Variants in NEMF observed in about 807,000 individuals in gnomAD.
The protein encoded by NEMF is ribosome quality control complex subunit NEMF.
NEMF carries 89 observed loss-of-function variants against 162.2 expected under a neutral mutation model. The observed-to-expected ratio is 0.55, with a 90% CI of 0.46 to 0.65. The LOEUF (loss-of-function observed/expected upper bound fraction) is 0.65. Ranked by LOEUF, NEMF falls within the 30% of genes least tolerant of loss-of-function variation. NEMF has a pLI of 0.00. For missense variants in NEMF, 1,133 were observed against 1,261.9 expected (o/e 0.90, Z 1.55); for synonymous variants, 421 against 404.5 (o/e 1.04, Z -0.49).
chr14:49,815,040 A>G (rs917992627), intron 16 of NEMF, among the ~76,000 whole-genome samples, 183 bp from the exon 17 acceptor site: 3 of 152,194 alleles, frequency 2.0e-5, no homozygotes, highest in Non-Finnish European at 4.4e-5. Context: ...TTCTTTAGAC[A>G]GTCTTAGAAA....
At chr14:49,849,304 G>C (rs1428887194) in intron 3 of NEMF, among the ~76,000 whole-genome samples, 1 of 152,172 alleles carries the variant, frequency 6.6e-6, no homozygotes, top group African/African-American at 2.4e-5. Context: ...ATAGTAAAAA[G>C]GGGATTATTT....
Position 49,838,172 on chromosome 14 carries a change from C to T in NEMF, c.541G>A (p.Glu181Lys). 6.2e-7 allele frequency: 1 copy of T among 1,613,898 alleles called. No homozygotes were observed. Among genetic ancestry groups the T allele is most frequent in the South Asian group, 1.1e-5 (1 of 91,058 alleles). The change falls in exon 6 of 33, where the codon GAA becomes AAA. Residue 181 changes from glutamate (E) to lysine (K), a missense_variant. By Grantham distance (56) the Glu-to-Lys change is moderately conservative (BLOSUM62 1). Transcript: ENST00000298310. The part of the protein sequence containing the change: ...TEIVASAPKG[E>K]LLKRVLNPLL... ...GGGTTAAGCACCCTCTTCAGTAGTT[C>T]ACCCTTAGGTGCGCTGGCTACTATT... is the stretch of plus-strand genomic sequence containing the variant.
chr14:49,831,207 ACT>A (rs1378754971), intron 11 of NEMF, 90 bp downstream of exon 11: 1 of 723,990 alleles, frequency 1.4e-6, no homozygotes, highest in African/African-American at 1.8e-5. Flanking sequence ...TACTTCTTAC[ACT>A]CTTTCTGAAA....
chr14:49,845,717 T>C (rs929381087), intron 4 of NEMF, among the ~76,000 whole-genome samples: 1 of 152,210 alleles, frequency 6.6e-6, no homozygotes, highest in Non-Finnish European at 1.5e-5. Flanking sequence ...GATCAAGATG[T>C]CACTAAGCAG....
chr14:49,809,867 A>G (rs988432025), intron 18 of NEMF, among the ~76,000 whole-genome samples: 19 of 151,654 alleles, frequency 1.3e-4, no homozygotes, highest in African/African-American at 3.9e-4. Context: ...TCTCAAAAAA[A>G]GAGAGTGAAC....
At position 49,782,527 on chromosome 14, in the gene NEMF, C is replaced by G; in HGVS notation, c.*2109G>C. 6.2e-7 allele frequency: 1 copy of G among 1,603,452 alleles called. No individual in the cohort carries two copies. On this transcript the variant is annotated 3_prime_UTR_variant, in exon 33 of 33. Coordinates refer to ENST00000298310, the MANE Select transcript of NEMF (RefSeq NM_004713.6). ...GCATTTGCTTTTAAATGTGTTCTTC[C>G]TATTTATTTTTCAGGCACACAGTAA...
intron 10 of NEMF, among the ~76,000 whole-genome samples, chr14:49,831,776 CCACT>C (rs1566694405): frequency 6.6e-6 from 1 of 152,282 alleles, no homozygotes; most frequent in African/African-American, 2.4e-5. Context: ...TTTCATAACA[CCACT>C]CAAAGAACTT....
intron 26 of NEMF, among the ~76,000 whole-genome samples, chr14:49,793,822 T>G (rs371751340): frequency 4.6e-5 from 7 of 152,134 alleles, no homozygotes; most frequent in South Asian, 2.1e-4. Context: ...ATTCCCATGT[T>G]GTACACTCAA....
intron 18 of NEMF, among the ~76,000 whole-genome samples, chr14:49,813,191 T>A (rs1374696355): frequency 1.3e-5 from 2 of 152,170 alleles, no homozygotes; most frequent in Admixed American, 1.3e-4. Flanking sequence ...AATCTAAAAC[T>A]TTCTGAGTGC....
chr14:49,799,207 C>CAAAAAAAAAAAAAA lies in NEMF; in HGVS notation c.2465+254_2465+267dup, dbSNP rs780442972. The stretch of plus-strand genomic sequence containing the variant: ...TGGGCAACAAAGCGAGACCCTGTTT[C>CAAAAAAAAAAAAAA]AAAAAAAAAAAAAAAAAAAAAAAAA... On this transcript the variant is annotated intron_variant, in intron 25 of 32. Coordinates refer to ENST00000298310, the MANE Select transcript of NEMF (RefSeq NM_004713.6). Among the ~76,000 whole-genome samples, 6 of 59,066 alleles carry CAAAAAAAAAAAAAA rather than the reference C, an allele frequency of 1.0e-4. 1 individual carries two copies. The highest frequency in any genetic ancestry group is 3.4e-4 in the Admixed American group (1 of 2,900). The allele number at this position is 59,066 out of a possible 152,430, so 38.7% of individuals were successfully genotyped here. A position where few individuals can be genotyped will look rare whatever the true frequency, so the allele number is the denominator to read the frequency against.
In NEMF at chr14:49,827,225, C is replaced by T. The variant is rs533939095; in HGVS notation, c.1488+1066G>A. On this transcript the variant is annotated intron_variant, in intron 15 of 32. Coordinates refer to ENST00000298310, the MANE Select transcript of NEMF (RefSeq NM_004713.6). ...TTTTTGAGACGGAGTCTCGCTCTGT[C>T]TCCCAGGCTAGAGTGCAATGGCATG... 3.2e-4 allele frequency among the ~76,000 whole-genome samples: 48 copies of T among 152,278 alleles called. 1 individual carries two copies. The highest frequency in any genetic ancestry group is 3.4e-3 in the Middle Eastern group (1 of 294).
intron 17 of NEMF, among the ~76,000 whole-genome samples, chr14:49,814,318 T>C (rs1186703186): frequency 2.0e-5 from 3 of 151,798 alleles, no homozygotes; most frequent in African/African-American, 7.3e-5. Context: ...GGCCAGGCTG[T>C]TCTTGAACTC....
intron 26 of NEMF, among the ~76,000 whole-genome samples, 196 bp from the exon 27 acceptor site, chr14:49,789,769 G>A (rs1313381780): frequency 1.3e-5 from 2 of 152,218 alleles, no homozygotes; most frequent in Non-Finnish European, 2.9e-5. Context: ...CCATAGGGTG[G>A]AGAGAAGATA....
rs564279334 is a variant in NEMF at position 49,804,840 on chromosome 14, G to A, written c.1857+1181C>T. On this transcript the variant is annotated intron_variant, in intron 19 of 32. Coordinates refer to ENST00000298310, the MANE Select transcript of NEMF (RefSeq NM_004713.6). ...GAGGCCAGGAGTTTGAGACTGGCCT[G>A]GCCAACATGGCAAAACCCCATCTCT... Among the ~76,000 whole-genome samples the A allele has an allele frequency of 1.1e-4, 16 of 152,136 alleles. No homozygotes were observed. In the South Asian group the frequency reaches 3.1e-3, roughly 30 times the overall value.
In NEMF at chr14:49,782,455, G is replaced by A. The variant is rs1889950328; in HGVS notation, c.*2181C>T. On this transcript the variant is annotated 3_prime_UTR_variant, in exon 33 of 33. Coordinates refer to ENST00000298310, the MANE Select transcript of NEMF (RefSeq NM_004713.6). ...CAACAACTTGCTTGTCCATCACAGAGCTGTAAGTATACTACCTTCACATTA... is the reference window on the plus strand; with the variant it reads ...CAACAACTTGCTTGTCCATCACAGAACTGTAAGTATACTACCTTCACATTA... 1 of 1,610,282 alleles carries A rather than the reference G, an allele frequency of 6.2e-7. No homozygotes were observed. Among genetic ancestry groups the A allele is most frequent in the Admixed American group, 1.7e-5 (1 of 59,816 alleles).
intron 11 of NEMF, 44 bp downstream of exon 11, chr14:49,831,255 G>A (rs201221369): frequency 2.1e-5 from 23 of 1,102,370 alleles, no homozygotes; most frequent in Admixed American, 1.6e-4. Context: ...CCATCAAGCC[G>A]CTAAAGACTA....
chr14:49,804,686 C>T (rs1891109328), intron 19 of NEMF, among the ~76,000 whole-genome samples: 1 of 149,636 alleles, frequency 6.7e-6, no homozygotes, highest in Admixed American at 6.7e-5. Context: ...AAAATTTATA[C>T]ATCTGTGAAA....
intron 4 of NEMF, among the ~76,000 whole-genome samples, chr14:49,841,558 G>A (rs1197017871): frequency 1.7e-5 from 2 of 119,558 alleles, no homozygotes; most frequent in Non-Finnish European, 3.3e-5. Context: ...TGGGCAACAA[G>A]AGCGAAACTC....
intron 4 of NEMF, among the ~76,000 whole-genome samples, chr14:49,844,986 C>G (rs1055117551): frequency 6.6e-5 from 10 of 152,000 alleles, no homozygotes; most frequent in Non-Finnish European, 1.2e-4. Flanking sequence ...GCAGGCTGGT[C>G]TCAAACTCCT....
Sources: gnomAD v4.1 joint callset for allele counts (sites outside exome capture counted in the v4.1 genomes callset) on GRCh38, gnomAD v4.1.1 for gene constraint, MANE v1.5 for transcripts, NCBI Gene and HGNC (gene_info 2026-07-23, HGNC 2026-07-21) for gene names.